KDM6A: variants seen among roughly 807,000 people sequenced by gnomAD.
The protein encoded by KDM6A is lysine-specific demethylase 6A.
Under a neutral mutation model 117.6 loss-of-function variants are expected in KDM6A, and 11 were observed. The ratio of observed to expected loss-of-function variants is 0.09; its 90% CI spans 0.06 to 0.15. The LOEUF is 0.15. Ranked by LOEUF, KDM6A falls within the 10% of genes least tolerant of loss-of-function variation. The pLI, the probability that KDM6A is intolerant of heterozygous loss-of-function variation, is 1.00. For missense variants in KDM6A, 799 were observed against 1,077.3 expected (o/e 0.74, Z 3.62); for synonymous variants, 384 against 396.1 (o/e 0.97, Z 0.36).
chrX:44,881,616 A>C (rs1053899171), intron 2 of KDM6A, among the ~76,000 whole-genome samples: 2 of 107,205 alleles, frequency 1.9e-5, no homozygotes, highest in African/African-American at 6.8e-5. Flanking sequence ...TATATTATTA[A>C]AACTGTTGGT....
intron 4 of KDM6A, among the ~76,000 whole-genome samples, chrX:44,975,775 T>C (rs1268365799): frequency 1.8e-5 from 2 of 112,021 alleles, no homozygotes; most frequent in Non-Finnish European, 3.8e-5. Flanking sequence ...GGAGAATCAC[T>C]GATCCACCCA....
At chrX:44,919,426 C>T (rs913557828) in intron 2 of KDM6A, among the ~76,000 whole-genome samples, 2 of 110,327 alleles carry the variant, frequency 1.8e-5, no homozygotes, top group Non-Finnish European at 3.8e-5. Flanking sequence ...ACTGGGGTTG[C>T]GAGTTTTTTG....
intron 18 of KDM6A, among the ~76,000 whole-genome samples, chrX:45,075,095 C>G (rs773845910): frequency 2.7e-5 from 3 of 111,842 alleles, no homozygotes; most frequent in East Asian, 5.6e-4. Flanking sequence ...GTATATCCAT[C>G]TCCTTTCCTA....
At chrX:44,895,411 T>C (rs1464243450) in intron 2 of KDM6A, among the ~76,000 whole-genome samples, 1 of 106,933 alleles carries the variant, frequency 9.4e-6, no homozygotes, top group Non-Finnish European at 1.9e-5. Flanking sequence ...GAGCCACCGC[T>C]CTGGGCCAAC....
chrX:45,047,674 CTTTTTTTTT>C (rs78749806), intron 8 of KDM6A, among the ~76,000 whole-genome samples: 621 of 36,318 alleles, frequency 0.017, 12 homozygotes, highest in African/African-American at 0.051. Context: ...CTTTTTTTTT[CTTTTTTTTT>C]TTTTTTTTTT....
In KDM6A at chrX:45,037,526, G is replaced by A. The variant is rs769741746; in HGVS notation, c.620-129G>A. Reference sequence around the variant, plus strand: ...TTTAGTAAAAGCAAATAAAAGTTATGTTTTTCTATTACTTAAATCTATATA... The same window carrying A: ...TTTAGTAAAAGCAAATAAAAGTTATATTTTTCTATTACTTAAATCTATATA... On this transcript the variant is annotated intron_variant, in intron 7 of 29. Coordinates refer to ENST00000611820, the MANE Select transcript of KDM6A (RefSeq NM_001291415.2). 1.3e-3 allele frequency: 635 copies of A among 494,951 alleles called. 8 individuals are homozygous for A. The African/African-American group carries it at 0.014, about 11-fold the overall frequency. The allele number at this position is 494,951 out of a possible 1,213,427, so 40.8% of individuals were successfully genotyped here. A position where few individuals can be genotyped will look rare whatever the true frequency, so the allele number is the denominator to read the frequency against.
intron 4 of KDM6A, among the ~76,000 whole-genome samples, chrX:44,999,503 T>G (rs1399568508): frequency 9.0e-6 from 1 of 111,108 alleles, no homozygotes; most frequent in Non-Finnish European, 1.9e-5. Context: ...GTAATCAAAA[T>G]GAGTCAGGGT....
At chrX:45,109,921 T>TA (rs2046702300) in intron 28 of KDM6A, among the ~76,000 whole-genome samples, 158 bp from the exon 29 acceptor site, 1 of 111,740 alleles carries the variant, frequency 8.9e-6, no homozygotes, top group Non-Finnish European at 1.9e-5. Context: ...CCTGGTCTGT[T>TA]AAAGATTCTC....
At chrX:44,943,365 T>G (rs1210967874) in intron 2 of KDM6A, among the ~76,000 whole-genome samples, 1 of 101,193 alleles carries the variant, frequency 9.9e-6, no homozygotes, top group African/African-American at 4.4e-5. Context: ...AAAAAAAGTG[T>G]CAGCATTTTT....
At chrX:44,980,284 G>A (rs764115009) in intron 4 of KDM6A, among the ~76,000 whole-genome samples, 6 of 111,268 alleles carry the variant, frequency 5.4e-5, no homozygotes, top group Non-Finnish European at 7.5e-5. Flanking sequence ...ATGAGCCACC[G>A]CCCGCATCTG....
intron 3 of KDM6A, among the ~76,000 whole-genome samples, chrX:44,964,541 A>T (rs775008107): frequency 9.0e-6 from 1 of 111,350 alleles, no homozygotes; most frequent in South Asian, 3.8e-4. Context: ...CATGAAAACA[A>T]CATTAATCTG....
intron 8 of KDM6A, among the ~76,000 whole-genome samples, chrX:45,040,819 G>T (rs1237708289): frequency 1.2e-5 from 1 of 84,482 alleles, no homozygotes; most frequent in Admixed American, 1.1e-4. Context: ...GCCGGGCGGG[G>T]GGCTGATCCC....
chrX:45,035,481 G>A (rs2042772228), intron 7 of KDM6A, among the ~76,000 whole-genome samples: 1 of 111,102 alleles, frequency 9.0e-6, no homozygotes, highest in South Asian at 3.7e-4. Flanking sequence ...CATTTACGAA[G>A]CATGTTCTAA....
intron 2 of KDM6A, among the ~76,000 whole-genome samples, chrX:44,882,470 T>C (rs2032399795): frequency 1.8e-5 from 2 of 112,306 alleles, no homozygotes; most frequent in Admixed American, 1.9e-4. Flanking sequence ...TGTATGGAAG[T>C]TAAGAAATAA....
chrX:44,970,533 G>T (rs1297235818), intron 3 of KDM6A, among the ~76,000 whole-genome samples: 1 of 110,784 alleles, frequency 9.0e-6, no homozygotes, highest in East Asian at 2.8e-4. Context: ...AATCCTAAAA[G>T]AGAATTTTAT....
chrX:44,958,553 G>A (rs757439802), intron 2 of KDM6A, among the ~76,000 whole-genome samples: 1 of 99,164 alleles, frequency 1.0e-5, no homozygotes, highest in African/African-American at 3.8e-5. Context: ...ATATAGAAAA[G>A]TAAAATGAAC....
intron 2 of KDM6A, among the ~76,000 whole-genome samples, chrX:44,917,089 G>A (rs781338738): frequency 1.9e-5 from 2 of 103,630 alleles, no homozygotes; most frequent in South Asian, 4.5e-4. Flanking sequence ...GCTGTGGCCC[G>A]ATCTTGGCTC....
intron 16 of KDM6A, 142 bp from the exon 17 acceptor site, chrX:45,063,280 A>G (rs949080560): frequency 5.5e-5 from 30 of 543,997 alleles, no homozygotes; most frequent in Non-Finnish European, 3.1e-6. Flanking sequence ...CAACTTAGAG[A>G]AATTAAGCAT....
At chrX:44,987,424 T>G (rs1315196745) in intron 4 of KDM6A, among the ~76,000 whole-genome samples, 1 of 111,550 alleles carries the variant, frequency 9.0e-6, no homozygotes, top group African/African-American at 3.3e-5. Flanking sequence ...GTTAATATTA[T>G]TATGTGTGAA....
Sources: allele counts gnomAD v4.1 joint callset (sites outside exome capture counted in the v4.1 genomes callset), GRCh38; gene constraint gnomAD v4.1.1; transcripts MANE v1.5; gene names NCBI Gene and HGNC (gene_info 2026-07-23, HGNC 2026-07-21).